The following RFX3 variants were observed in gnomAD, a reference collection of about 807,000 sequenced individuals.
The protein encoded by RFX3 is transcription factor RFX3.
Under a neutral mutation model 98.6 loss-of-function variants are expected in RFX3, and 14 were observed. The ratio of observed to expected loss-of-function variants is 0.14; its 90% CI spans 0.09 to 0.22. The LOEUF is 0.22. Ranked by LOEUF, RFX3 falls within the 10% of genes least tolerant of loss-of-function variation. The pLI is 1.00. For missense variants in RFX3, 639 were observed against 926.9 expected (o/e 0.69, Z 4.03); for synonymous variants, 383 against 328.4 (o/e 1.17, Z -1.80).
intron 4 of RFX3, among the ~76,000 whole-genome samples, chr9:3,303,527 T>A (rs1200026906): frequency 6.6e-6 from 1 of 151,960 alleles, no homozygotes; most frequent in Non-Finnish European, 1.5e-5. Flanking sequence ...ATATTATAAT[T>A]TTTAATGAAA....
intron 1 of RFX3, chr9:3,469,102 C>T: frequency 2.4e-6 from 1 of 421,946 alleles, no homozygotes; most frequent in South Asian, 1.7e-5. Context: ...CTATTGGTTA[C>T]AATGAAACTA....
At chr9:3,277,703 C>T (rs1825417317) in intron 7 of RFX3, among the ~76,000 whole-genome samples, 1 of 151,724 alleles carries the variant, frequency 6.6e-6, no homozygotes, top group Non-Finnish European at 1.5e-5. Flanking sequence ...AGAAATTTAC[C>T]TAAGAATGAA....
intron 15 of RFX3, among the ~76,000 whole-genome samples, chr9:3,246,696 A>C (rs1163468401): frequency 2.0e-5 from 3 of 152,218 alleles, no homozygotes; most frequent in Non-Finnish European, 2.9e-5. Flanking sequence ...GTAAAGAAAG[A>C]GGCAATGAGG....
At chr9:3,369,364 T>C (rs1178641688) in intron 2 of RFX3, among the ~76,000 whole-genome samples, 1 of 152,186 alleles carries the variant, frequency 6.6e-6, no homozygotes, top group Non-Finnish European at 1.5e-5. Flanking sequence ...ACTAATCCTA[T>C]TCATAAGGAC....
chr9:3,246,298 A>T (rs1820663300), intron 15 of RFX3, among the ~76,000 whole-genome samples: 1 of 152,114 alleles, frequency 6.6e-6, no homozygotes, highest in Non-Finnish European at 1.5e-5. Flanking sequence ...TAGTAAAAAA[A>T]AAAAGAATAA....
At chr9:3,419,565 C>G (rs1215163390) in intron 1 of RFX3, among the ~76,000 whole-genome samples, 3 of 152,114 alleles carry the variant, frequency 2.0e-5, no homozygotes, top group African/African-American at 7.2e-5. Flanking sequence ...TGTAAAGTAT[C>G]AACTTATCCT....
intron 5 of RFX3, among the ~76,000 whole-genome samples, chr9:3,294,183 T>C (rs1486013018): frequency 2.0e-5 from 3 of 152,168 alleles, no homozygotes; most frequent in Non-Finnish European, 4.4e-5. Context: ...TGAAATAGAC[T>C]TAAATAACTT....
intron 1 of RFX3, among the ~76,000 whole-genome samples, chr9:3,498,627 T>C (rs539387397): frequency 6.6e-6 from 1 of 152,228 alleles, no homozygotes; most frequent in African/African-American, 2.4e-5. Context: ...TTTTAAGCAG[T>C]AGCTGTTTAA....
intron 3 of RFX3, among the ~76,000 whole-genome samples, chr9:3,337,081 G>A (rs1328598513): frequency 6.6e-6 from 1 of 152,110 alleles, no homozygotes; most frequent in African/African-American, 2.4e-5. Context: ...AAGGCCTTAT[G>A]GGTAGGAGGA....
At chr9:3,247,185 A>G in intron 15 of RFX3, 1 of 985,568 alleles carries the variant, frequency 1.0e-6, no homozygotes, top group Non-Finnish European at 1.2e-6. Context: ...TGCATTCAAT[A>G]TAACAAAATA....
At chr9:3,409,590 T>C (rs568019489) in intron 1 of RFX3, among the ~76,000 whole-genome samples, 2 of 152,240 alleles carry the variant, frequency 1.3e-5, no homozygotes, top group African/African-American at 4.8e-5. Context: ...GTTCAGGCAG[T>C]TGACAATTTA....
chr9:3,461,452 A>G (rs1847676540), intron 1 of RFX3, among the ~76,000 whole-genome samples: 1 of 152,022 alleles, frequency 6.6e-6, no homozygotes, highest in South Asian at 2.1e-4. Context: ...ATCAGTGACT[A>G]AGCAATCTAA....
chr9:3,363,935 G>A (rs1044166010), intron 2 of RFX3, among the ~76,000 whole-genome samples: 3 of 152,220 alleles, frequency 2.0e-5, no homozygotes, highest in Non-Finnish European at 4.4e-5. Flanking sequence ...GAGTGTAGTG[G>A]CACGATCTCA....
At position 3,330,415 on chromosome 9, in the gene RFX3, C is replaced by T. The variant is rs768469755; in HGVS notation, c.318G>A (p.Val106=). 37 of 1,613,976 alleles carry T rather than the reference C, an allele frequency of 2.3e-5. No homozygotes were observed. Among genetic ancestry groups the T allele is most frequent in the Non-Finnish European group, 3.1e-5 (36 of 1,180,024 alleles). Residue 106 remains valine, a synonymous_variant, in exon 4 of 17, where the codon GTG becomes GTA. Coordinates refer to ENST00000617270, the MANE Select transcript of RFX3 (RefSeq NM_001282116.2). ...TQGSSAQVTT[V]VSSHSMVGTG... ...TGCCCACCATACTGTGGGATGAGAC[C>T]ACGGTAGTCACCTGGGCGGAACTCC...
At chr9:3,382,642 T>C (rs1287767093) in intron 2 of RFX3, among the ~76,000 whole-genome samples, 1 of 152,182 alleles carries the variant, frequency 6.6e-6, no homozygotes, top group Non-Finnish European at 1.5e-5. Context: ...AGTAGTCCAA[T>C]TGTACCACCA....
Position 3,355,701 on chromosome 9 carries a change from C to T in RFX3, c.118-8937G>A, listed in dbSNP as rs544947668. ...ATCAACTTAACCAAAATGACTTTCA[C>T]GTCATAATCTATGTAACAACAGCAG... On this transcript the variant is annotated intron_variant, in intron 2 of 16. Coordinates refer to ENST00000617270, the MANE Select transcript of RFX3 (RefSeq NM_001282116.2). Among the ~76,000 whole-genome samples the T allele has an allele frequency of 5.9e-5, 9 of 151,868 alleles. No individual in the cohort carries two copies. In the South Asian group the frequency reaches 1.2e-3, roughly 21 times the overall value.
intron 1 of RFX3, among the ~76,000 whole-genome samples, chr9:3,420,530 T>A (rs982438272): frequency 1.3e-5 from 2 of 152,190 alleles, no homozygotes; most frequent in African/African-American, 4.8e-5. Flanking sequence ...ATTTTGCACA[T>A]GAAGAAACTG....
At chr9:3,264,320 A>G (rs1823327156) in intron 12 of RFX3, among the ~76,000 whole-genome samples, 2 of 152,196 alleles carry the variant, frequency 1.3e-5, no homozygotes, top group Admixed American at 1.3e-4. Context: ...AGACACATCT[A>G]CAGGAATGTA....
At chr9:3,275,396 G>A (rs967498843) in intron 9 of RFX3, 104 bp downstream of exon 9, 1 of 621,528 alleles carries the variant, frequency 1.6e-6, no homozygotes, top group South Asian at 2.1e-5. Flanking sequence ...AAAAGAATTA[G>A]TGCTAAGTTC....
Sources: allele counts gnomAD v4.1 joint callset (sites outside exome capture counted in the v4.1 genomes callset), GRCh38; gene constraint gnomAD v4.1.1; transcripts MANE v1.5; gene names NCBI Gene and HGNC (gene_info 2026-07-23, HGNC 2026-07-21).